TMEM108: variants seen among roughly 807,000 people sequenced by gnomAD.
The protein encoded by TMEM108 is cancer/testis antigen 124.
In TMEM108, 12 loss-of-function variants were observed where a neutral mutation model predicts 35.1. That is an observed-to-expected ratio of 0.34 (90% CI 0.22 to 0.55). The LOEUF (loss-of-function observed/expected upper bound fraction) is 0.55. TMEM108 is among the 20% of genes least tolerant of loss of function. The probability of loss-of-function intolerance (pLI) is 0.89; values close to 1 mark genes in which losing one functional copy is unlikely to be tolerated. For synonymous variants in TMEM108, 287 were observed against 308.6 expected, an observed-to-expected ratio of 0.93 and a Z score of 0.73; for missense variants, 680 against 753.3, an observed-to-expected ratio of 0.90 and a Z score of 1.14.
At chr3:133,111,729 C>T (rs1944227057) in intron 2 of TMEM108, among the ~76,000 whole-genome samples, 1 of 152,134 alleles carries the variant, frequency 6.6e-6, no homozygotes, top group African/African-American at 2.4e-5. Context: ...TACACAAACA[C>T]ATTATTTATC....
chr3:133,300,436 C>T (rs11717365), intron 3 of TMEM108, among the ~76,000 whole-genome samples: 6,669 of 152,124 alleles, frequency 0.044, 192 homozygotes, highest in Non-Finnish European at 0.064. Context: ...TCTTTTTAAA[C>T]ATGTAGCTGG....
At chr3:133,377,657 T>C (rs565925822) in intron 3 of TMEM108, among the ~76,000 whole-genome samples, 2 of 152,314 alleles carry the variant, frequency 1.3e-5, no homozygotes, top group South Asian at 4.1e-4. Context: ...GGTTTTAGGA[T>C]TGACTCGAAT....
intron 3 of TMEM108, among the ~76,000 whole-genome samples, chr3:133,343,016 C>T (rs976593177): frequency 2.0e-5 from 3 of 151,660 alleles, no homozygotes; most frequent in Non-Finnish European, 4.4e-5. Context: ...AAATATCATT[C>T]TATAGCCCAT....
Position 133,258,264 on chromosome 3 carries a change from C to G in TMEM108, c.40+28913C>G, listed in dbSNP as rs113973851. On this transcript the variant is annotated intron_variant, in intron 3 of 5. Coordinates refer to ENST00000321871, the MANE Select transcript of TMEM108 (RefSeq NM_023943.4). ...CACCAGAAACTGAGTCTGCTGGCACCTTGATCTTGGGCTTCTCAGCTTCCA... is the reference window on the plus strand; with the variant it reads ...CACCAGAAACTGAGTCTGCTGGCACGTTGATCTTGGGCTTCTCAGCTTCCA... Among the ~76,000 whole-genome samples the G allele has an allele frequency of 9.9e-3, 1,504 of 152,280 alleles. 22 individuals carry two copies. Among genetic ancestry groups the G allele is most frequent in the African/African-American group, 0.034 (1,393 of 41,548 alleles).
chr3:133,127,545 T>C (rs1318381924), intron 2 of TMEM108, among the ~76,000 whole-genome samples: 1 of 152,212 alleles, frequency 6.6e-6, no homozygotes, highest in African/African-American at 2.4e-5. Context: ...GAGTTATCTG[T>C]CTGGTAAACC....
chr3:133,112,002 A>G (rs1944230658), intron 2 of TMEM108, among the ~76,000 whole-genome samples: 1 of 152,180 alleles, frequency 6.6e-6, no homozygotes, highest in Non-Finnish European at 1.5e-5. Context: ...GAGGGCTTTT[A>G]AAGTGTGTTC....
At chr3:133,146,669 G>A (rs1022901240) in intron 2 of TMEM108, among the ~76,000 whole-genome samples, 1 of 152,002 alleles carries the variant, frequency 6.6e-6, no homozygotes, top group Non-Finnish European at 1.5e-5. Context: ...TCAGGGATTC[G>A]ACTTCTTCCT....
intron 2 of TMEM108, among the ~76,000 whole-genome samples, chr3:133,223,788 CTG>C (rs1465057020): frequency 6.6e-6 from 1 of 152,130 alleles, no homozygotes; most frequent in Non-Finnish European, 1.5e-5. Context: ...AATTCTATCA[CTG>C]TGAAAAAATA....
At chr3:133,207,755 A>G (rs1286850125) in intron 2 of TMEM108, among the ~76,000 whole-genome samples, 1 of 152,174 alleles carries the variant, frequency 6.6e-6, no homozygotes, top group Non-Finnish European at 1.5e-5. Context: ...ATGGGGGTCA[A>G]TCATATAGCA....
intron 2 of TMEM108, among the ~76,000 whole-genome samples, chr3:133,077,449 A>G (rs1276476675): frequency 2.6e-5 from 4 of 152,140 alleles, no homozygotes; most frequent in Non-Finnish European, 4.4e-5. Context: ...GGGTGTCTGC[A>G]GAGCACCCTG....
At chr3:133,227,946 C>G (rs1946098689) in intron 2 of TMEM108, among the ~76,000 whole-genome samples, 1 of 151,864 alleles carries the variant, frequency 6.6e-6, no homozygotes, top group African/African-American at 2.4e-5. Flanking sequence ...AAGAGCCAGA[C>G]ACATATGATT....
chr3:133,320,359 G>T (rs2071251800), intron 3 of TMEM108, among the ~76,000 whole-genome samples: 2 of 151,502 alleles, frequency 1.3e-5, no homozygotes, highest in African/African-American at 4.8e-5. Context: ...TTCTGGAAAT[G>T]AAAGACACAC....
chr3:133,287,192 T>C (rs1946998044), intron 3 of TMEM108, among the ~76,000 whole-genome samples: 1 of 152,176 alleles, frequency 6.6e-6, no homozygotes, highest in African/African-American at 2.4e-5. Context: ...TTTTATATAG[T>C]GAGGTTTAGG....
intron 2 of TMEM108, among the ~76,000 whole-genome samples, chr3:133,118,773 A>G (rs1385554441): frequency 6.6e-6 from 1 of 152,178 alleles, no homozygotes. Context: ...TCCCACAGAC[A>G]TAAGTGAATC....
chr3:133,290,311 C>T (rs1947045057), intron 3 of TMEM108, among the ~76,000 whole-genome samples: 1 of 152,118 alleles, frequency 6.6e-6, no homozygotes, highest in Admixed American at 6.6e-5. Flanking sequence ...TTCTATGAGA[C>T]TTAGTTCTTC....
At chr3:133,332,453 G>T (rs1035586941) in intron 3 of TMEM108, among the ~76,000 whole-genome samples, 2 of 152,136 alleles carry the variant, frequency 1.3e-5, no homozygotes, top group African/African-American at 4.8e-5. Context: ...CACTAAACAG[G>T]GAAAGCTGGG....
chr3:133,045,853 C>T (rs1393202641), intron 1 of TMEM108, 49 bp from the exon 2 acceptor site: 1 of 152,594 alleles, frequency 6.6e-6, no homozygotes, highest in East Asian at 1.9e-4. Flanking sequence ...TGACTTGGGA[C>T]TTGAAGTTCC....
At chr3:133,114,721 C>G (rs1944266988) in intron 2 of TMEM108, among the ~76,000 whole-genome samples, 1 of 152,140 alleles carries the variant, frequency 6.6e-6, no homozygotes. Flanking sequence ...AATATCCTCT[C>G]TTCCATGGAT....
At chr3:133,387,088 C>G (rs2073163422) in intron 4 of TMEM108, 1 of 985,358 alleles carries the variant, frequency 1.0e-6, no homozygotes, top group South Asian at 4.7e-5. Context: ...CTAGGTGGAG[C>G]TTTGTCCTTG....
Sources: allele counts gnomAD v4.1 joint callset (sites outside exome capture counted in the v4.1 genomes callset), GRCh38; gene constraint gnomAD v4.1.1; transcripts MANE v1.5; gene names NCBI Gene and HGNC (gene_info 2026-07-23, HGNC 2026-07-21).